The following MYO5A variants were observed in gnomAD, a reference collection of about 807,000 sequenced individuals.
The protein encoded by MYO5A is myosin VA.
In MYO5A, 98 loss-of-function variants were observed where a neutral mutation model predicts 249.7. The ratio of observed to expected loss-of-function variants is 0.39; its 90% CI spans 0.33 to 0.46. The LOEUF (loss-of-function observed/expected upper bound fraction) is 0.46, where lower values mean the gene tolerates loss of function less well. MYO5A is among the 20% of genes least tolerant of loss of function. MYO5A has a pLI of 0.98. For synonymous variants in MYO5A, 778 were observed against 810.6 expected (o/e 0.96, Z 0.68); for missense variants, 1,696 against 2,308.8 (o/e 0.73, Z 5.44).
rs770727295 is a variant in MYO5A, at chr15:52,408,096, G to C, written c.801C>G (p.Ala267=). Reference sequence around the variant, plus strand: ...TTTTAAATTCAGGTAACTTTGCTGAGGCACAAAGCTGATAGAAGATATGAT... The same window carrying C: ...TTTTAAATTCAGGTAACTTTGCTGACGCACAAAGCTGATAGAAGATATGAT... ...RNYHIFYQLC[A]SAKLPEFKML... The change falls in exon 7 of 42, where the codon GCC becomes GCG. Residue 267 remains alanine (A), a synonymous_variant. Coordinates refer to ENST00000399233, the MANE Select transcript of MYO5A (RefSeq NM_001382347.1). The C allele has an allele frequency of 3.2e-5, 51 of 1,608,056 alleles. No individual in the cohort carries two copies. Among genetic ancestry groups the C allele is most frequent in the Non-Finnish European group, 4.1e-5 (48 of 1,175,332 alleles).
chr15:52,341,419 C>T (rs1170102672), intron 31 of MYO5A, among the ~76,000 whole-genome samples: 1 of 152,198 alleles, frequency 6.6e-6, no homozygotes, highest in Non-Finnish European at 1.5e-5. Context: ...TCCAAGCAAA[C>T]ATACAGCCAG....
intron 24 of MYO5A, among the ~76,000 whole-genome samples, chr15:52,361,166 G>C (rs565500024): frequency 1.3e-5 from 2 of 152,192 alleles, no homozygotes; most frequent in African/African-American, 4.8e-5. Flanking sequence ...CAGAAGCTGG[G>C]GTGCACACTA....
intron 3 of MYO5A, among the ~76,000 whole-genome samples, chr15:52,428,035 C>A (rs1794170332): frequency 6.6e-6 from 1 of 152,182 alleles, no homozygotes; most frequent in Non-Finnish European, 1.5e-5. Flanking sequence ...CAAGATAACA[C>A]TAAATCTCTT....
chr15:52,336,819 T>C (rs2039142251), intron 33 of MYO5A, among the ~76,000 whole-genome samples: 1 of 152,238 alleles, frequency 6.6e-6, no homozygotes, highest in African/African-American at 2.4e-5. Flanking sequence ...GTAGACTCCA[T>C]GTGGGAAAAT....
chr15:52,372,462 A>G, intron 20 of MYO5A, 99 bp from the exon 21 acceptor site: 1 of 1,472,578 alleles, frequency 6.8e-7, no homozygotes, highest in African/African-American at 1.4e-5. Context: ...ACCTAGAGGA[A>G]AAGACATAAA....
intron 29 of MYO5A, 98 bp downstream of exon 29, chr15:52,348,720 G>A: frequency 9.8e-7 from 1 of 1,020,392 alleles, no homozygotes; most frequent in Non-Finnish European, 1.4e-6. Context: ...AAATAGACTT[G>A]GTCAGAAAGC....
intron 1 of MYO5A, among the ~76,000 whole-genome samples, chr15:52,440,219 C>T (rs184233437): frequency 1.7e-4 from 26 of 152,312 alleles, no homozygotes; most frequent in African/African-American, 6.0e-4. Context: ...TTGGGGGTTA[C>T]ACCCAGCCTT....
In MYO5A at chr15:52,340,274, C is replaced by T. The variant is rs771165638; in HGVS notation, c.4161G>A (p.Gln1387=). Residue 1387 remains glutamine (Q), a synonymous_variant, in exon 32 of 42, where the codon CAG becomes CAA. Transcript: ENST00000399233. ...GGGCCTCTGGGGGCAGCTGCAGGTT[C>T]TGGGCCAGCAGCTGCTGCTGTCGGT... ...ENNRQQQLLA[Q]NLQLPPEARI... 67 of 1,613,932 alleles carry T rather than the reference C, an allele frequency of 4.2e-5. No individual in the cohort carries two copies. Among genetic ancestry groups the T allele is most frequent in the Non-Finnish European group, 5.6e-5 (66 of 1,180,040 alleles).
intron 20 of MYO5A, among the ~76,000 whole-genome samples, chr15:52,373,813 A>G (rs1272508871): frequency 6.6e-6 from 1 of 152,198 alleles, no homozygotes; most frequent in African/African-American, 2.4e-5. Context: ...TCTCACGCTT[A>G]TATAGAAAGA....
chr15:52,339,065 T>C (rs2039256733), intron 32 of MYO5A, among the ~76,000 whole-genome samples: 1 of 152,188 alleles, frequency 6.6e-6, no homozygotes, highest in South Asian at 2.1e-4. Flanking sequence ...TGTCAATCAC[T>C]TTGGAAAGAG....
In MYO5A at chr15:52,410,489, G is replaced by A. The variant is rs756085980; in HGVS notation, c.613-13C>T. 2 of 1,608,412 alleles carry A rather than the reference G, an allele frequency of 1.2e-6. No individual in the cohort carries two copies. Among genetic ancestry groups the A allele is most frequent in the Non-Finnish European group, 1.7e-6 (2 of 1,175,168 alleles). On this transcript the variant is annotated splice_polypyrimidine_tract_variant and intron_variant, in intron 5 of 41. Transcript: ENST00000399233. The stretch of plus-strand genomic sequence containing the variant: ...CATTTCCAATGGACTAAAAAGCAAG[G>A]GAGAAAATAAGATTTTAGAAGTGTA...
chr15:52,430,552 A>C (rs2075504727), intron 2 of MYO5A, among the ~76,000 whole-genome samples: 1 of 152,218 alleles, frequency 6.6e-6, no homozygotes, highest in Non-Finnish European at 1.5e-5. Flanking sequence ...TAGGACCCTA[A>C]GTGACTATAG....
At chr15:52,423,460 G>C (rs931968526) in intron 4 of MYO5A, among the ~76,000 whole-genome samples, 1 of 152,028 alleles carries the variant, frequency 6.6e-6, no homozygotes, top group Admixed American at 6.6e-5. Context: ...GCTGAGGCAG[G>C]AGAATGGCGT....
At chr15:52,381,733 G>GCAAT (rs2041746107) in intron 16 of MYO5A, among the ~76,000 whole-genome samples, 1 of 150,778 alleles carries the variant, frequency 6.6e-6, no homozygotes, top group African/African-American at 2.4e-5. Context: ...AGACTAAACA[G>GCAAT]CAATCATAGC....
At position 52,391,959 on chromosome 15, in the gene MYO5A, T is replaced by C; in HGVS notation, c.1513A>G (p.Ile505Val). 1 of 1,613,072 alleles carries C rather than the reference T, an allele frequency of 6.2e-7. No individual in the cohort carries two copies. Among genetic ancestry groups the C allele is most frequent in the South Asian group, 1.1e-5 (1 of 91,068 alleles). ...CATTCCTCATCCAGTAAATCTAGAA[T>C]GCCTAGTTTTGATTCTATAAGATTA... ...CINLIESKLG[I>V]LDLLDEECKM... The change falls in exon 12 of 42, where the codon ATT (isoleucine) becomes GTT (valine). Residue 505 changes from isoleucine to valine, a missense_variant. Physicochemically the swap from Ile to Val is conservative, Grantham distance 29. Coordinates refer to ENST00000399233, the MANE Select transcript of MYO5A (RefSeq NM_001382347.1).
intron 4 of MYO5A, among the ~76,000 whole-genome samples, chr15:52,419,924 G>A (rs1415667445): frequency 6.6e-6 from 1 of 152,182 alleles, no homozygotes; most frequent in Non-Finnish European, 1.5e-5. Flanking sequence ...CAAACTAGCA[G>A]TTTAATGTTA....
intron 23 of MYO5A, 120 bp downstream of exon 23, chr15:52,366,911 G>T: frequency 1.1e-6 from 1 of 902,972 alleles, no homozygotes; most frequent in Non-Finnish European, 1.8e-6. Context: ...GCTGATGACA[G>T]CCTCAACTTT....
At chr15:52,513,582 G>A (rs917598701) in intron 1 of MYO5A, among the ~76,000 whole-genome samples, 7 of 151,230 alleles carry the variant, frequency 4.6e-5, no homozygotes, top group Non-Finnish European at 7.4e-5. Flanking sequence ...GTGCCACCAC[G>A]TCCAGCTAAT....
At chr15:52,462,420 G>T (rs1047312148) in intron 1 of MYO5A, among the ~76,000 whole-genome samples, 3 of 151,996 alleles carry the variant, frequency 2.0e-5, no homozygotes, top group African/African-American at 7.3e-5. Context: ...GTACCAAAAA[G>T]ATCACCGAGA....
Sources: gnomAD v4.1 joint callset for allele counts (sites outside exome capture counted in the v4.1 genomes callset) on GRCh38, gnomAD v4.1.1 for gene constraint, MANE v1.5 for transcripts, NCBI Gene and HGNC (gene_info 2026-07-23, HGNC 2026-07-21) for gene names.